PDE4D: variants seen among roughly 807,000 people sequenced by gnomAD.
PDE4D encodes phosphodiesterase 4D.
A neutral mutation model predicts 87.4 loss-of-function variants in PDE4D; 24 were observed. That is an observed-to-expected ratio of 0.27 (90% confidence interval 0.20 to 0.39). The LOEUF (loss-of-function observed/expected upper bound fraction) is 0.39. Among genes scored for constraint, PDE4D ranks in the 10% least tolerant of loss-of-function variants. The pLI is 1.00. For missense variants in PDE4D, 714 were observed against 1,041.0 expected (o/e 0.69, Z 4.32); for synonymous variants, 384 against 383.2 (o/e 1.00, Z -0.02).
chr5:60,332,515 T>C (rs763254161), intron 1 of PDE4D, among the ~76,000 whole-genome samples: 1 of 152,236 alleles, frequency 6.6e-6, no homozygotes, highest in African/African-American at 2.4e-5. Context: ...ACAAAGGACA[T>C]GATTTTATTG....
chr5:60,276,691 A>AT, intron 1 of PDE4D, among the ~76,000 whole-genome samples: 2 of 152,242 alleles, frequency 1.3e-5, no homozygotes, highest in South Asian at 4.1e-4. Context: ...CTCTGAATCT[A>AT]TTCTGGTTCT....
In PDE4D at chr5:59,395,096, G is replaced by C. The variant is rs952118474; in HGVS notation, c.456-179128C>G. On this transcript the variant is annotated intron_variant, in intron 1 of 14. Transcript: ENST00000340635. ...GGAGGGTCCTACCCCACGGAGTCTCGCTGATTGCTAGCACAGCAGTCTGAG... is the reference window on the plus strand; with the variant it reads ...GGAGGGTCCTACCCCACGGAGTCTCCCTGATTGCTAGCACAGCAGTCTGAG... Among the ~76,000 whole-genome samples, 154 of 152,116 alleles carry C rather than the reference G, an allele frequency of 1.0e-3. 1 individual carries two copies. Among genetic ancestry groups the C allele is most frequent in the Non-Finnish European group, 1.8e-3 (124 of 68,004 alleles).
At chr5:60,204,999 T>C (rs574252246) in intron 1 of PDE4D, among the ~76,000 whole-genome samples, 1 of 152,218 alleles carries the variant, frequency 6.6e-6, no homozygotes, top group Non-Finnish European at 1.5e-5. Flanking sequence ...ATTATTATTA[T>C]CTGTGGGGAT....
chr5:59,843,195 T>C (rs887042896), intron 1 of PDE4D, among the ~76,000 whole-genome samples: 5 of 152,048 alleles, frequency 3.3e-5, no homozygotes, highest in African/African-American at 1.2e-4. Context: ...AATAGCATGA[T>C]AAGCCCTATC....
At chr5:59,291,398 A>G (rs1734971072) in intron 1 of PDE4D, among the ~76,000 whole-genome samples, 1 of 151,996 alleles carries the variant, frequency 6.6e-6, no homozygotes, top group African/African-American at 2.4e-5. Flanking sequence ...CGAAGGAGAT[A>G]GAGAGCAGAA....
chr5:59,241,263 C>T (rs1055080183), intron 1 of PDE4D, among the ~76,000 whole-genome samples: 35 of 152,308 alleles, frequency 2.3e-4, no homozygotes, highest in African/African-American at 7.7e-4. Context: ...TGCTACCCTG[C>T]CTGGCCCTGA....
intron 1 of PDE4D, among the ~76,000 whole-genome samples, chr5:60,478,496 A>C (rs1398490595): frequency 6.6e-6 from 1 of 152,062 alleles, no homozygotes; most frequent in African/African-American, 2.4e-5. Flanking sequence ...ATTAAAAGAA[A>C]CTATTCCTTC....
rs189466112 is a variant in PDE4D, at chr5:59,385,025, T to C, written c.456-169057A>G. Among the ~76,000 whole-genome samples the C allele has an allele frequency of 7.9e-5, 12 of 152,316 alleles. No homozygotes were observed. In the East Asian group the frequency reaches 2.1e-3, roughly 27 times the overall value. ...TAGTTAATAATTGCTTTGGTTCTTT[T>C]CCAAATGGTACTCATATCTGCCACC... On this transcript the variant is annotated intron_variant, in intron 1 of 14. Coordinates refer to ENST00000340635, the MANE Select transcript of PDE4D (RefSeq NM_001104631.2).
intron 1 of PDE4D, among the ~76,000 whole-genome samples, chr5:59,419,248 T>C (rs535046809): frequency 2.4e-4 from 36 of 152,324 alleles, no homozygotes; most frequent in Non-Finnish European, 4.6e-4. Flanking sequence ...AAAGTCCTTA[T>C]GTAGTTATAA....
chr5:59,788,748 GA>G (rs1581114327), intron 1 of PDE4D, among the ~76,000 whole-genome samples: 1 of 152,088 alleles, frequency 6.6e-6, no homozygotes, highest in Non-Finnish European at 1.5e-5. Context: ...GCAAATGTGG[GA>G]AAAAACTAAT....
chr5:59,709,910 A>T (rs542345424), intron 1 of PDE4D, among the ~76,000 whole-genome samples: 20 of 152,340 alleles, frequency 1.3e-4, no homozygotes, highest in African/African-American at 4.6e-4. Context: ...AGACCACCTA[A>T]GGAAAATCTG....
chr5:59,624,782 C>T lies in PDE4D; in HGVS notation c.455+268386G>A, dbSNP rs141116783. Among the ~76,000 whole-genome samples the T allele has an allele frequency of 7.2e-3, 1,098 of 152,258 alleles. 15 individuals carry two copies. The highest frequency in any genetic ancestry group is 0.024 in the African/African-American group (1,010 of 41,538). On this transcript the variant is annotated intron_variant, in intron 1 of 14. Transcript: ENST00000340635. ...TTAAGCCTTTGCAGTATGATTTCTG[C>T]CTCTATCAATTCTGATTGCTATAAT...
At chr5:59,793,506 T>C (rs1766061941) in intron 1 of PDE4D, among the ~76,000 whole-genome samples, 2 of 152,232 alleles carry the variant, frequency 1.3e-5, no homozygotes, top group Admixed American at 6.5e-5. Flanking sequence ...CAGTTACCAA[T>C]GTCCAACCAA....
At chr5:60,204,426 C>A (rs1223634686) in intron 1 of PDE4D, among the ~76,000 whole-genome samples, 1 of 152,172 alleles carries the variant, frequency 6.6e-6, no homozygotes, top group Non-Finnish European at 1.5e-5. Context: ...TGAAAGAGCT[C>A]TATACGAATG....
chr5:60,126,968 T>C (rs372183587), intron 2 of PDE4D, among the ~76,000 whole-genome samples: 2 of 152,196 alleles, frequency 1.3e-5, no homozygotes, highest in African/African-American at 4.8e-5. Flanking sequence ...ATGCAGCGTA[T>C]GTATACTTCT....
At chr5:59,432,457 T>C (rs552145815) in intron 1 of PDE4D, among the ~76,000 whole-genome samples, 9 of 152,268 alleles carry the variant, frequency 5.9e-5, no homozygotes, top group African/African-American at 2.2e-4. Flanking sequence ...TCTTACTGAT[T>C]GGTGCTTGTA....
intron 1 of PDE4D, among the ~76,000 whole-genome samples, chr5:59,675,220 C>T (rs1307425102): frequency 6.6e-6 from 1 of 151,854 alleles, no homozygotes; most frequent in Non-Finnish European, 1.5e-5. Flanking sequence ...CAGAATACTA[C>T]TACTTTTGAA....
At chr5:59,703,661 AG>A (rs1295812804) in intron 1 of PDE4D, 1 of 530,056 alleles carries the variant, frequency 1.9e-6, no homozygotes, top group East Asian at 5.5e-5. Context: ...ACAATTAGTT[AG>A]ATTAGTAACT....
intron 2 of PDE4D, among the ~76,000 whole-genome samples, chr5:60,044,561 G>C (rs978876716): frequency 1.4e-5 from 2 of 145,406 alleles, no homozygotes; most frequent in Admixed American, 1.4e-4. Flanking sequence ...TCCCCTTCCT[G>C]TGTCCATGTG....
Sources: allele counts gnomAD v4.1 joint callset (sites outside exome capture counted in the v4.1 genomes callset), GRCh38; gene constraint gnomAD v4.1.1; transcripts MANE v1.5; gene names NCBI Gene and HGNC (gene_info 2026-07-23, HGNC 2026-07-21).